PTPN4: variants seen among roughly 807,000 people sequenced by gnomAD.
The protein encoded by PTPN4 is tyrosine-protein phosphatase non-receptor type 4.
Under a neutral mutation model 135.5 loss-of-function variants are expected in PTPN4, and 49 were observed. That is an observed-to-expected ratio of 0.36 (90% CI 0.29 to 0.46). PTPN4 has a LOEUF of 0.46. PTPN4 is among the 20% of genes least tolerant of loss of function. The pLI is 1.00. For synonymous variants in PTPN4, 333 were observed against 369.9 expected, an observed-to-expected ratio of 0.90 and a Z score of 1.14; for missense variants, 860 against 1,101.0, an observed-to-expected ratio of 0.78 and a Z score of 3.10.
intron 11 of PTPN4, among the ~76,000 whole-genome samples, chr2:119,919,563 A>T (rs1024761355): frequency 6.6e-6 from 1 of 152,116 alleles, no homozygotes; most frequent in Non-Finnish European, 1.5e-5. Flanking sequence ...GGGGCTCATG[A>T]TATAATCCCA....
chr2:119,922,055 G>C (rs935824324), intron 12 of PTPN4, among the ~76,000 whole-genome samples: 19 of 152,122 alleles, frequency 1.2e-4, no homozygotes, highest in African/African-American at 4.3e-4. Context: ...AGAAAGTCAA[G>C]GAAGTTACCC....
chr2:119,887,964 T>C (rs1262072241), intron 9 of PTPN4, among the ~76,000 whole-genome samples: 5 of 152,198 alleles, frequency 3.3e-5, no homozygotes, highest in Admixed American at 1.3e-4. Flanking sequence ...TCTGGCAATA[T>C]GGTCATTTTA....
chr2:119,949,355 G>A (rs561385051), intron 18 of PTPN4, among the ~76,000 whole-genome samples: 4 of 152,256 alleles, frequency 2.6e-5, no homozygotes, highest in South Asian at 2.1e-4. Context: ...GCAATCGGGG[G>A]AAAAGGAAAA....
At chr2:119,938,119 G>A (rs1417788851) in intron 15 of PTPN4, among the ~76,000 whole-genome samples, 2 of 144,206 alleles carry the variant, frequency 1.4e-5, no homozygotes, top group Non-Finnish European at 3.0e-5. Flanking sequence ...TTTAAATGTG[G>A]GATAATTTTT....
intron 15 of PTPN4, among the ~76,000 whole-genome samples, chr2:119,939,954 G>A (rs1464311474): frequency 6.6e-6 from 1 of 152,220 alleles, no homozygotes; most frequent in Non-Finnish European, 1.5e-5. Flanking sequence ...AGATGCTGTT[G>A]TATTCATGGC....
intron 26 of PTPN4, 22 bp downstream of exon 26, chr2:119,967,994 CA>C (rs1558777787): frequency 6.6e-7 from 1 of 1,510,562 alleles, no homozygotes; most frequent in South Asian, 1.3e-5. Context: ...ACTTTATATA[CA>C]AGTGTATATT....
rs55956611 is a variant in PTPN4, at chr2:119,793,846, G to GTTTTTTTTTTTTTTTTTTTTTTTTTTTTT, written c.-17-15990_-17-15962dup. On this transcript the variant is annotated intron_variant, in intron 1 of 26. Coordinates refer to ENST00000263708, the MANE Select transcript of PTPN4 (RefSeq NM_002830.4). Reference sequence around the variant, plus strand: ...AGTTTGTTTATTTGTTTCATTTTTAGTTTTTTTTTTTTTTTTTTTTTTTTT... The same window carrying GTTTTTTTTTTTTTTTTTTTTTTTTTTTTT: ...AGTTTGTTTATTTGTTTCATTTTTAGTTTTTTTTTTTTTTTTTTTTTTTTTTTTTTTTTTTTTTTTTTTTTTTTTTTTTT... Among the ~76,000 whole-genome samples the GTTTTTTTTTTTTTTTTTTTTTTTTTTTTT allele has an allele frequency of 2.8e-4, 7 of 24,798 alleles. 1 individual carries two copies. The highest frequency in any genetic ancestry group is 1.3e-3 in the African/African-American group (7 of 5,408). 16.3% of individuals were successfully genotyped at this position (24,798 alleles called of 152,430 possible). A position where few individuals can be genotyped will look rare whatever the true frequency, so the allele number is the denominator to read the frequency against.
intron 5 of PTPN4, among the ~76,000 whole-genome samples, chr2:119,880,693 G>A (rs887526947): frequency 1.3e-5 from 2 of 151,770 alleles, no homozygotes; most frequent in Admixed American, 1.3e-4. Flanking sequence ...GCCCGCCTCG[G>A]CCTCCCAGAT....
Position 119,885,778 on chromosome 2 carries a change from T to G in PTPN4, c.588-17T>G. On this transcript the variant is annotated splice_polypyrimidine_tract_variant and intron_variant, in intron 8 of 26. Transcript: ENST00000263708. Reference sequence around the variant, plus strand: ...TGATTGATTGATCTCATTTTTAACTTAATGATGTCTTTATAGAGGCTTATC... The same window carrying G: ...TGATTGATTGATCTCATTTTTAACTGAATGATGTCTTTATAGAGGCTTATC... 6.6e-7 allele frequency: 1 copy of G among 1,509,462 alleles called. No homozygotes were observed. The highest frequency in any genetic ancestry group is 9.0e-7 in the Non-Finnish European group (1 of 1,113,462). The allele number at this position is 1,509,462 out of a possible 1,614,324, so 93.5% of individuals were successfully genotyped here.
At chr2:119,790,678 A>G (rs1691128553) in intron 1 of PTPN4, among the ~76,000 whole-genome samples, 1 of 152,116 alleles carries the variant, frequency 6.6e-6, no homozygotes, top group Non-Finnish European at 1.5e-5. Context: ...TAGTCCATTT[A>G]CACTTAATGA....
rs962078127 is a variant in PTPN4 at position 119,979,610 on chromosome 2, T to C, written c.*2540T>C. On this transcript the variant is annotated 3_prime_UTR_variant, in exon 27 of 27. Coordinates refer to ENST00000263708, the MANE Select transcript of PTPN4 (RefSeq NM_002830.4). ...ACTTTATCCATTACATCTAAGAACT[T>C]TTTAACCTGTATATCAATCTAAATA... The C allele has an allele frequency of 1.3e-5, 2 of 152,156 alleles. No homozygotes were observed. The highest frequency in any genetic ancestry group is 2.9e-5 in the Non-Finnish European group (2 of 67,980). 9.4% of individuals were successfully genotyped at this position (152,156 alleles called of 1,614,324 possible).
intron 2 of PTPN4, among the ~76,000 whole-genome samples, chr2:119,818,827 G>C (rs1310539670): frequency 6.6e-6 from 1 of 152,060 alleles, no homozygotes; most frequent in Non-Finnish European, 1.5e-5. Flanking sequence ...CTTACTCCTA[G>C]GACAGAGTTT....
intron 10 of PTPN4, among the ~76,000 whole-genome samples, chr2:119,908,761 T>C (rs886468049): frequency 2.0e-5 from 3 of 152,186 alleles, no homozygotes; most frequent in African/African-American, 2.4e-5. Context: ...AAAGTCAAGA[T>C]AGACCAACAG....
intron 2 of PTPN4, among the ~76,000 whole-genome samples, chr2:119,837,882 C>A (rs1677319477): frequency 6.6e-6 from 1 of 152,232 alleles, no homozygotes; most frequent in Non-Finnish European, 1.5e-5. Flanking sequence ...GAGCTGGCAC[C>A]TATGCCAGTG....
At chr2:119,938,783 G>A (rs776494646) in intron 15 of PTPN4, among the ~76,000 whole-genome samples, 2 of 151,822 alleles carry the variant, frequency 1.3e-5, no homozygotes, top group Non-Finnish European at 2.9e-5. Flanking sequence ...ATGCTTATTA[G>A]CATTTATCTG....
chr2:119,840,504 T>C (rs1359060043), intron 2 of PTPN4, among the ~76,000 whole-genome samples: 1 of 152,238 alleles, frequency 6.6e-6, no homozygotes, highest in Non-Finnish European at 1.5e-5. Context: ...GGCATTTAGG[T>C]TGATTCCATG....
At chr2:119,782,780 A>ACTACAG (rs767938111) in intron 1 of PTPN4, among the ~76,000 whole-genome samples, 3 of 124,132 alleles carry the variant, frequency 2.4e-5, no homozygotes, top group Non-Finnish European at 3.1e-5. Flanking sequence ...ATGATGGCTC[A>ACTACAG]CTACAGCCTC....
intron 1 of PTPN4, among the ~76,000 whole-genome samples, chr2:119,770,878 C>CT (rs11302568): frequency 0.021 from 2,896 of 138,946 alleles, 56 homozygotes; most frequent in Non-Finnish European, 0.03. Context: ...AAGGGTCTAA[C>CT]TTTTTTTTTT....
chr2:119,812,707 G>T (rs1032035889), intron 2 of PTPN4, among the ~76,000 whole-genome samples: 2 of 152,120 alleles, frequency 1.3e-5, no homozygotes, highest in Non-Finnish European at 2.9e-5. Context: ...CTCTCATGCC[G>T]TGAATTCATT....
Sources: gnomAD v4.1 joint callset for allele counts (sites outside exome capture counted in the v4.1 genomes callset) on GRCh38, gnomAD v4.1.1 for gene constraint, MANE v1.5 for transcripts, NCBI Gene and HGNC (gene_info 2026-07-23, HGNC 2026-07-21) for gene names.